The following SFSWAP variants were observed in gnomAD, a reference collection of about 807,000 sequenced individuals.
The protein encoded by SFSWAP is splicing factor, suppressor of white-apricot homolog.
SFSWAP carries 17 observed loss-of-function variants against 100.7 expected under a neutral mutation model. That is an observed-to-expected ratio of 0.17 (90% CI 0.12 to 0.25). The LOEUF (loss-of-function observed/expected upper bound fraction) is 0.25, where lower values mean the gene tolerates loss of function less well. Ranked by LOEUF, SFSWAP falls within the 10% of genes least tolerant of loss-of-function variation. The probability of loss-of-function intolerance (pLI) is 1.00; values close to 1 mark genes in which losing one functional copy is unlikely to be tolerated. For missense variants in SFSWAP, 1,005 were observed against 1,262.6 expected (o/e 0.80, Z 3.09); for synonymous variants, 504 against 510.1 (o/e 0.99, Z 0.16).
intron 14 of SFSWAP, chr12:131,784,731 TAA>T (rs1409795607): frequency 1.1e-5 from 2 of 178,164 alleles, no homozygotes; most frequent in African/African-American, 4.7e-5. Context: ...CTTCTTTAGC[TAA>T]AGTCAAACTT....
intron 7 of SFSWAP, among the ~76,000 whole-genome samples, chr12:131,728,673 A>C (rs1192609869): frequency 1.3e-5 from 2 of 151,088 alleles, no homozygotes; most frequent in African/African-American, 4.9e-5. Flanking sequence ...AGGACCGGCA[A>C]AGGTAGCTGG....
Position 131,755,437 on chromosome 12 carries a change from G to A in SFSWAP, c.1506G>A (p.Lys502=). 6.2e-7 allele frequency: 1 copy of A among 1,614,016 alleles called. No homozygotes were observed. Among genetic ancestry groups the A allele is most frequent in the Non-Finnish European group, 8.5e-7 (1 of 1,179,950 alleles). ...WHQYNAYYEF[K]KQFFLQKEGG... ...AGTATAATGCTTATTATGAGTTTAA[G>A]AAGCAGTTCTTCCTCCAGAAAGAAG... The change falls in exon 10 of 18, where the codon AAG becomes AAA. Residue 502 remains lysine (K), a synonymous_variant. Coordinates refer to ENST00000261674, the MANE Select transcript of SFSWAP (RefSeq NM_004592.4).
At position 131,734,286 on chromosome 12, in the gene SFSWAP, G is replaced by A. The variant is rs1428415189; in HGVS notation, c.1081+5858G>A. The stretch of plus-strand genomic sequence containing the variant: ...GATTCACGTTTTTCCTCACAACTTA[G>A]AATAGCAAAGTTACAGACTTTGGAT... On this transcript the variant is annotated intron_variant, in intron 7 of 17. Coordinates refer to ENST00000261674, the MANE Select transcript of SFSWAP (RefSeq NM_004592.4). This position sits in a 1 kb window ranked among gnomAD's most constrained non-coding sequence, Gnocchi z 4.9. 2.0e-5 allele frequency among the ~76,000 whole-genome samples: 3 copies of A among 152,222 alleles called. No individual in the cohort carries two copies. Among genetic ancestry groups the A allele is most frequent in the African/African-American group, 7.2e-5 (3 of 41,460 alleles).
intron 15 of SFSWAP, among the ~76,000 whole-genome samples, chr12:131,791,481 G>A (rs947600842): frequency 2.0e-5 from 3 of 152,104 alleles, no homozygotes; most frequent in Non-Finnish European, 2.9e-5. Context: ...GGCCAGGCAC[G>A]ATGGTTCACA....
At chr12:131,736,482 A>G (rs1227615099) in intron 7 of SFSWAP, among the ~76,000 whole-genome samples, 1 of 152,210 alleles carries the variant, frequency 6.6e-6, no homozygotes, top group Non-Finnish European at 1.5e-5. Flanking sequence ...AGTCTAGTAG[A>G]AAAAAGATCT....
rs1022973248 is a variant in SFSWAP, at chr12:131,730,777, C to A, written c.1081+2349C>A. On this transcript the variant is annotated intron_variant, in intron 7 of 17. Transcript: ENST00000261674. This position sits in a 1 kb window ranked among gnomAD's most constrained non-coding sequence, Gnocchi z 4.0. ...ACCACCCTGGGCACTGACGGCACCCCACCCTATCCTCCCAACTGCAAGGGC... is the reference window on the plus strand; with the variant it reads ...ACCACCCTGGGCACTGACGGCACCCAACCCTATCCTCCCAACTGCAAGGGC... 1.3e-5 allele frequency among the ~76,000 whole-genome samples: 2 copies of A among 152,192 alleles called. No individual in the cohort carries two copies. The highest frequency in any genetic ancestry group is 4.8e-5 in the African/African-American group (2 of 41,458).
intron 4 of SFSWAP, among the ~76,000 whole-genome samples, chr12:131,720,356 A>G (rs186438494): frequency 1.5e-4 from 23 of 152,348 alleles, no homozygotes; most frequent in African/African-American, 5.5e-4. Context: ...GCTAATAAAT[A>G]GCAACTGGGA....
chr12:131,761,703 A>G (rs1184541303), intron 11 of SFSWAP, among the ~76,000 whole-genome samples: 1 of 152,248 alleles, frequency 6.6e-6, no homozygotes, highest in Non-Finnish European at 1.5e-5. Context: ...TCTGCAAGGA[A>G]GATTCTAGGC....
In SFSWAP at chr12:131,738,885, C is replaced by CTTTTTT. The variant is rs71072785; in HGVS notation, c.1081+10476_1081+10481dup. Among the ~76,000 whole-genome samples, 30 of 48,750 alleles carry CTTTTTT rather than the reference C, an allele frequency of 6.2e-4. 2 individuals carry two copies. Among genetic ancestry groups the CTTTTTT allele is most frequent in the African/African-American group, 1.5e-3 (26 of 17,134 alleles). The allele number at this position is 48,750 out of a possible 152,430, so 32.0% of individuals were successfully genotyped here. On this transcript the variant is annotated intron_variant, in intron 7 of 17. Transcript: ENST00000261674. Reference sequence around the variant, plus strand: ...TTCCAGTGCTGTAATGAACATTATTCTTTTTTTTTTTTTTTTTTTTTTTTG... The same window carrying CTTTTTT: ...TTCCAGTGCTGTAATGAACATTATTCTTTTTTTTTTTTTTTTTTTTTTTTTTTTTTG...
chr12:131,760,813 C>G (rs888764459), intron 11 of SFSWAP, among the ~76,000 whole-genome samples: 1 of 152,184 alleles, frequency 6.6e-6, no homozygotes, highest in African/African-American at 2.4e-5. Flanking sequence ...GTGGCTCACG[C>G]TTGTAATCCC....
chr12:131,776,161 A>T (rs1211908613), intron 13 of SFSWAP, among the ~76,000 whole-genome samples: 1 of 152,232 alleles, frequency 6.6e-6, no homozygotes, highest in Non-Finnish European at 1.5e-5. Context: ...GTTACACTTA[A>T]CAGAATTTTA....
intron 1 of SFSWAP, chr12:131,712,130 G>C (rs1044218043): frequency 6.6e-6 from 1 of 152,640 alleles, no homozygotes; most frequent in Non-Finnish European, 1.5e-5. Context: ...TCTTGGAAGA[G>C]ATAGTGTTCT....
intron 14 of SFSWAP, among the ~76,000 whole-genome samples, chr12:131,779,632 TC>T (rs1248502464): frequency 6.6e-6 from 1 of 152,222 alleles, no homozygotes; most frequent in Non-Finnish European, 1.5e-5. Flanking sequence ...ATCTAGTTTT[TC>T]TTCTGGAATT....
At chr12:131,758,715 G>A (rs1429753429) in intron 11 of SFSWAP, among the ~76,000 whole-genome samples, 1 of 152,212 alleles carries the variant, frequency 6.6e-6, no homozygotes, top group Non-Finnish European at 1.5e-5. Flanking sequence ...GGGAGGCCAG[G>A]GCAGGCAGAT....
rs571715902 is a variant in SFSWAP, at chr12:131,753,493, T to C, written c.1322+130T>C. Reference sequence around the variant, plus strand: ...GGGGTCCCCATTGTCTGAGTAGTTATTATTCCAAATCCCCAAGTTACAAAG... The same window carrying C: ...GGGGTCCCCATTGTCTGAGTAGTTACTATTCCAAATCCCCAAGTTACAAAG... On this transcript the variant is annotated intron_variant, in intron 8 of 17. Coordinates refer to ENST00000261674, the MANE Select transcript of SFSWAP (RefSeq NM_004592.4). The C allele has an allele frequency of 1.9e-4, 231 of 1,196,054 alleles. 3 individuals carry two copies. In the South Asian group the frequency reaches 4.1e-3, roughly 21 times the overall value. The allele number at this position is 1,196,054 out of a possible 1,614,324, so 74.1% of individuals were successfully genotyped here. A position where few individuals can be genotyped will look rare whatever the true frequency, so the allele number is the denominator to read the frequency against.
intron 13 of SFSWAP, among the ~76,000 whole-genome samples, chr12:131,777,055 C>G (rs1199763463): frequency 6.6e-6 from 1 of 152,180 alleles, no homozygotes; most frequent in Non-Finnish European, 1.5e-5. Flanking sequence ...CAGAGTAGTG[C>G]CGATACTCAT....
chr12:131,763,130 T>C (rs1882815290), intron 11 of SFSWAP, among the ~76,000 whole-genome samples: 1 of 152,176 alleles, frequency 6.6e-6, no homozygotes, highest in Non-Finnish European at 1.5e-5. Flanking sequence ...GTCTGGGCTA[T>C]CACATGCTTA....
intron 13 of SFSWAP, among the ~76,000 whole-genome samples, chr12:131,770,294 C>G (rs564774894): frequency 3.9e-5 from 6 of 152,326 alleles, no homozygotes; most frequent in African/African-American, 1.4e-4. Flanking sequence ...ACCGCACGCC[C>G]TGGGTGAGGA....
chr12:131,763,864 C>T (rs1162327763), intron 11 of SFSWAP, among the ~76,000 whole-genome samples: 2 of 150,620 alleles, frequency 1.3e-5, no homozygotes, highest in Non-Finnish European at 2.9e-5. Context: ...CAGTGGCTCA[C>T]GTCTATAATC....
Sources: gnomAD v4.1 joint callset for allele counts (sites outside exome capture counted in the v4.1 genomes callset) on GRCh38, gnomAD v4.1.1 for gene constraint, Gnocchi (gnomAD v3.1) non-coding constraint, MANE v1.5 for transcripts, NCBI Gene and HGNC (gene_info 2026-07-23, HGNC 2026-07-21) for gene names.